Variants in RELN observed in about 807,000 individuals in gnomAD.
RELN encodes the protein reelin.
In RELN, 108 loss-of-function variants were observed where a neutral mutation model predicts 427.6. That is an observed-to-expected ratio of 0.25 (90% CI 0.22 to 0.30). RELN has a LOEUF of 0.30. RELN is among the 10% of genes least tolerant of loss of function. The pLI is 1.00. For synonymous variants in RELN, 1,524 were observed against 1,513.4 expected, an observed-to-expected ratio of 1.01 and a Z score of -0.16; for missense variants, 3,715 against 4,302.8, an observed-to-expected ratio of 0.86 and a Z score of 3.82.
rs528527604 is a variant in RELN at position 103,676,773 on chromosome 7, G to A, written c.1289+5343C>T. ...ATGAAACTGGAAACCATCATTCTCAGCAAAATATCGCAAGGACAGAAAACC... is the reference window on the plus strand; with the variant it reads ...ATGAAACTGGAAACCATCATTCTCAACAAAATATCGCAAGGACAGAAAACC... On this transcript the variant is annotated intron_variant, in intron 11 of 64. Coordinates refer to ENST00000428762, the MANE Select transcript of RELN (RefSeq NM_005045.4). Among the ~76,000 whole-genome samples the A allele has an allele frequency of 2.6e-5, 4 of 151,770 alleles. No homozygotes were observed. The East Asian group carries it at 7.8e-4, about 29-fold the overall frequency.
intron 11 of RELN, among the ~76,000 whole-genome samples, chr7:103,675,693 T>C (rs1384694734): frequency 2.6e-5 from 4 of 152,144 alleles, no homozygotes; most frequent in East Asian, 3.9e-4. Context: ...AACAGAGATA[T>C]AGACCAATGG....
At chr7:103,520,954 G>GTTTTTTTTTTT (rs1462369530) in intron 48 of RELN, among the ~76,000 whole-genome samples, 6 of 78,164 alleles carry the variant, frequency 7.7e-5, no homozygotes, top group African/African-American at 1.5e-4. Context: ...CAGTAAATTT[G>GTTTTTTTTTTT]TTATTTTTTT....
At chr7:103,668,169 G>T (rs1833313699) in intron 11 of RELN, among the ~76,000 whole-genome samples, 1 of 152,172 alleles carries the variant, frequency 6.6e-6, no homozygotes, top group African/African-American at 2.4e-5. Context: ...GGGGGAGGTT[G>T]CAGTGAGCTG....
chr7:103,723,396 G>A (rs141029995), intron 7 of RELN, among the ~76,000 whole-genome samples: 61 of 152,300 alleles, frequency 4.0e-4, no homozygotes, highest in Admixed American at 9.8e-4. Context: ...GGGGAATAAA[G>A]AAGTGAAATC....
intron 11 of RELN, among the ~76,000 whole-genome samples, chr7:103,673,932 C>T (rs1248773728): frequency 6.6e-6 from 1 of 151,990 alleles, no homozygotes; most frequent in Non-Finnish European, 1.5e-5. Context: ...TTCCCTGCCC[C>T]TCCTCCTCTT....
chr7:103,938,634 C>G (rs1396126925), intron 1 of RELN, among the ~76,000 whole-genome samples: 4 of 152,144 alleles, frequency 2.6e-5, no homozygotes, highest in African/African-American at 7.2e-5. Flanking sequence ...TTCACTGATT[C>G]AAATACATAC....
At chr7:103,956,443 G>A (rs74394298) in intron 1 of RELN, among the ~76,000 whole-genome samples, 5 of 152,244 alleles carry the variant, frequency 3.3e-5, no homozygotes, top group East Asian at 1.9e-4. Context: ...AAACAGACAC[G>A]AAATGAGAGT....
chr7:103,603,484 G>C lies in RELN; in HGVS notation c.3153C>G (p.Asp1051Glu). The change falls in exon 24 of 65, where the codon GAC (aspartate) becomes GAG (glutamate). Residue 1051 changes from aspartate (D) to glutamate (E), a missense_variant. By Grantham distance (45) the Asp-to-Glu change is conservative (BLOSUM62 2). Around this residue, in one of 4 missense-constraint regions of RELN, gnomAD observed 2,208 missense variants for 2,361.7 expected, o/e 0.93. Transcript: ENST00000428762. This position sits in a 1 kb window ranked among gnomAD's most constrained non-coding sequence, Gnocchi z 4.3. ...GGCATTCAGTGCCTTGGTACCCCTG[G>C]TCACACCTATGAGAGAGCAGGGCTG... ...GSCDHGICRCDQGYQGTECHP... is the reference protein window; with the variant it reads ...GSCDHGICRCEQGYQGTECHP... 1 of 1,613,434 alleles carries C rather than the reference G, an allele frequency of 6.2e-7. No individual in the cohort carries two copies. Among genetic ancestry groups the C allele is most frequent in the Non-Finnish European group, 8.5e-7 (1 of 1,179,498 alleles).
At chr7:103,674,538 G>A (rs769426155) in intron 11 of RELN, among the ~76,000 whole-genome samples, 5 of 152,080 alleles carry the variant, frequency 3.3e-5, no homozygotes, top group Non-Finnish European at 5.9e-5. Flanking sequence ...CCTTGGGTGA[G>A]GATTCCCATG....
intron 4 of RELN, among the ~76,000 whole-genome samples, chr7:103,760,461 T>A (rs1056271433): frequency 1.1e-4 from 16 of 152,086 alleles, no homozygotes; most frequent in African/African-American, 3.9e-4. Context: ...TTTAAAGTAA[T>A]CATCTGACTC....
chr7:103,819,236 CTATT>C (rs941401356), intron 3 of RELN, among the ~76,000 whole-genome samples: 1 of 151,964 alleles, frequency 6.6e-6, no homozygotes, highest in Non-Finnish European at 1.5e-5. Context: ...AAAATCAACT[CTATT>C]TATGACATAT....
rs747193541 is a variant in RELN, at chr7:103,503,227, A to T, written c.8278T>A (p.Ser2760Thr). The T allele has an allele frequency of 6.2e-7, 1 of 1,613,598 alleles. No individual in the cohort carries two copies. Among genetic ancestry groups the T allele is most frequent in the Admixed American group, 1.7e-5 (1 of 60,020 alleles). ...TTTTCAGACACCTTACATCCAACTG[A>T]GATCTAATAAACAGAAAAACAAGAT... Reference protein sequence around the residue: ...TEGWIMQFKISVGCKVSEKIA... With the variant: ...TEGWIMQFKITVGCKVSEKIA... The change falls in exon 52 of 65, where the codon TCA (serine) becomes ACA (threonine). Residue 2760 changes from serine to threonine, a missense_variant. By Grantham distance (58) the Ser-to-Thr change is moderately conservative. Coordinates refer to ENST00000428762, the MANE Select transcript of RELN (RefSeq NM_005045.4).
chr7:103,914,564 GT>G (rs970045599), intron 2 of RELN, among the ~76,000 whole-genome samples: 2 of 152,020 alleles, frequency 1.3e-5, no homozygotes, highest in African/African-American at 2.4e-5. Context: ...TTTATCGAGT[GT>G]TTTTTTATGT....
intron 2 of RELN, among the ~76,000 whole-genome samples, chr7:103,838,208 C>CAAGAAAAAAAAAAAAA (rs1491227842): frequency 3.7e-5 from 3 of 81,082 alleles, no homozygotes; most frequent in African/African-American, 1.5e-4. Context: ...GACTTCGTCT[C>CAAGAAAAAAAAAAAAA]AAAAAAAAAA....
chr7:103,680,782 T>C (rs1018706231), intron 11 of RELN, among the ~76,000 whole-genome samples: 4 of 152,086 alleles, frequency 2.6e-5, no homozygotes, highest in African/African-American at 9.6e-5. Flanking sequence ...AAGGAGACAT[T>C]GGAGCTGTAC....
chr7:103,543,648 A>G (rs1411202529), intron 42 of RELN, among the ~76,000 whole-genome samples: 1 of 152,214 alleles, frequency 6.6e-6, no homozygotes. Flanking sequence ...CTCCATCTCA[A>G]AAAATAAATA....
intron 3 of RELN, among the ~76,000 whole-genome samples, chr7:103,807,577 T>G (rs1792630521): frequency 1.3e-5 from 2 of 152,144 alleles, no homozygotes; most frequent in Admixed American, 1.3e-4. Flanking sequence ...GTGAGCATAG[T>G]CCCGATAGGT....
intron 25 of RELN, 137 bp from the exon 26 acceptor site, chr7:103,594,629 G>T (rs990393767): frequency 1.2e-6 from 1 of 867,266 alleles, no homozygotes. Context: ...AAGCCCGTAA[G>T]TTTGGACATA....
chr7:103,543,057 C>A (rs1830208852), intron 42 of RELN, among the ~76,000 whole-genome samples, 179 bp from the exon 43 acceptor site: 1 of 152,172 alleles, frequency 6.6e-6, no homozygotes, highest in Non-Finnish European at 1.5e-5. Context: ...AATTGTTTAG[C>A]CTTGGCTGGA....
Sources: allele counts gnomAD v4.1 joint callset (sites outside exome capture counted in the v4.1 genomes callset), GRCh38; gene constraint gnomAD v4.1.1; regional missense constraint gnomAD v4.1.1; non-coding constraint Gnocchi (gnomAD v3.1); transcripts MANE v1.5; gene names NCBI Gene and HGNC (gene_info 2026-07-23, HGNC 2026-07-21).